Variants in ADAMTS2 observed in about 807,000 individuals in gnomAD.
ADAMTS2 encodes ADAM metallopeptidase with thrombospondin type 1 motif 2.
A neutral mutation model predicts 123.0 loss-of-function variants in ADAMTS2; 50 were observed. That is an observed-to-expected ratio of 0.41 (90% CI 0.32 to 0.51). The LOEUF (loss-of-function observed/expected upper bound fraction) is 0.51, where lower values mean the gene tolerates loss of function less well. Ranked by LOEUF, ADAMTS2 falls within the 20% of genes least tolerant of loss-of-function variation. The pLI, the probability that ADAMTS2 is intolerant of heterozygous loss-of-function variation, is 0.35. For missense variants in ADAMTS2, 1,494 were observed against 1,705.2 expected, an observed-to-expected ratio of 0.88 and a Z score of 2.18; for synonymous variants, 678 against 695.4, an observed-to-expected ratio of 0.98 and a Z score of 0.39.
intron 3 of ADAMTS2, among the ~76,000 whole-genome samples, chr5:179,245,626 C>T (rs1765768673): frequency 6.7e-6 from 1 of 149,646 alleles, no homozygotes; most frequent in East Asian, 2.0e-4. Context: ...ATTAGCCGGG[C>T]GTGGTAGCGG....
At chr5:179,147,866 A>G (rs1230305630) in intron 10 of ADAMTS2, among the ~76,000 whole-genome samples, 1 of 152,236 alleles carries the variant, frequency 6.6e-6, no homozygotes, top group Non-Finnish European at 1.5e-5. Flanking sequence ...GCAGGAATGA[A>G]AAGAGAAGTG....
intron 2 of ADAMTS2, among the ~76,000 whole-genome samples, chr5:179,338,855 G>A (rs1390800133): frequency 2.6e-5 from 4 of 152,158 alleles, no homozygotes; most frequent in Non-Finnish European, 4.4e-5. Flanking sequence ...GGCACCAGGC[G>A]TGGAGGGAAG....
intron 2 of ADAMTS2, among the ~76,000 whole-genome samples, chr5:179,294,343 C>T (rs1756273010): frequency 6.6e-6 from 1 of 152,236 alleles, no homozygotes; most frequent in Non-Finnish European, 1.5e-5. Flanking sequence ...GAAACACGTC[C>T]AGCCAGCCAA....
chr5:179,207,482 C>CCCCCCCCT, intron 4 of ADAMTS2, 31 bp downstream of exon 4: 2 of 944,828 alleles, frequency 2.1e-6, no homozygotes, highest in Admixed American at 1.7e-5. Flanking sequence ...CCCTCCCCGC[C>CCCCCCCCT]CCACCCTGCC....
intron 1 of ADAMTS2, among the ~76,000 whole-genome samples, chr5:179,344,665 C>T (rs1437318741): frequency 6.6e-6 from 1 of 152,232 alleles, no homozygotes; most frequent in African/African-American, 2.4e-5. Context: ...CACGAGCGGC[C>T]TGTCCTGCCT....
chr5:179,160,142 G>A (rs1335647511), intron 5 of ADAMTS2, among the ~76,000 whole-genome samples: 3 of 152,172 alleles, frequency 2.0e-5, no homozygotes, highest in African/African-American at 7.2e-5. Context: ...GTAGAGCCAC[G>A]TATTTCTCTT....
At chr5:179,286,876 C>T (rs867697568) in intron 2 of ADAMTS2, among the ~76,000 whole-genome samples, 7 of 152,316 alleles carry the variant, frequency 4.6e-5, no homozygotes, top group African/African-American at 1.7e-4. Flanking sequence ...CATGGCCGTC[C>T]CCCTGTGTGT....
At chr5:179,278,856 T>C (rs879652467) in intron 2 of ADAMTS2, among the ~76,000 whole-genome samples, 2 of 151,740 alleles carry the variant, frequency 1.3e-5, no homozygotes, top group African/African-American at 2.4e-5. Context: ...CTTCCTTCTA[T>C]AGAACCTGCT....
rs140387919 is a variant in ADAMTS2, at chr5:179,202,216, G to C, written c.891+5297C>G. 7.9e-5 allele frequency among the ~76,000 whole-genome samples: 12 copies of C among 152,178 alleles called. No homozygotes were observed. In the East Asian group the frequency reaches 2.3e-3, roughly 30 times the overall value. On this transcript the variant is annotated intron_variant, in intron 4 of 21. Coordinates refer to ENST00000251582, the MANE Select transcript of ADAMTS2 (RefSeq NM_014244.5). The surrounding 1 kb of genome is among the most constrained non-coding windows in gnomAD (Gnocchi z 4.0). ...CCGACTTCCCCTACCTGTGCCCCCT[G>C]CTTGACAGGCCAGGCTGCCTCCATT...
chr5:179,314,353 C>T lies in ADAMTS2; in HGVS notation c.534+29414G>A, dbSNP rs1756919249. On this transcript the variant is annotated intron_variant, in intron 2 of 21. Coordinates refer to ENST00000251582, the MANE Select transcript of ADAMTS2 (RefSeq NM_014244.5). This position sits in a 1 kb window ranked among gnomAD's most constrained non-coding sequence, Gnocchi z 4.5. ...CGTCTCACTGGGAGCTGGGCGGCCG[C>T]CAGCTCTGAGCTAAGTGAGCGCAGA... is the stretch of plus-strand genomic sequence containing the variant. Among the ~76,000 whole-genome samples the T allele has an allele frequency of 6.6e-6, 1 of 152,250 alleles. No individual in the cohort carries two copies. Among genetic ancestry groups the T allele is most frequent in the South Asian group, 2.1e-4 (1 of 4,838 alleles).
rs1004516126 is a variant in ADAMTS2, at chr5:179,130,724, G to A, written c.2291-626C>T. On this transcript the variant is annotated intron_variant, in intron 15 of 21. Coordinates refer to ENST00000251582, the MANE Select transcript of ADAMTS2 (RefSeq NM_014244.5). The surrounding 1 kb of genome is among the most constrained non-coding windows in gnomAD (Gnocchi z 4.3). ...TGCAGTGTGGGGGGTGGCTGCTGCG[G>A]GGCAGCTGGGTGATGTGAGTGGGGC... Among the ~76,000 whole-genome samples the A allele has an allele frequency of 6.6e-6, 1 of 152,164 alleles. No individual in the cohort carries two copies. Among genetic ancestry groups the A allele is most frequent in the Admixed American group, 6.5e-5 (1 of 15,280 alleles).
rs978361840 is a variant in ADAMTS2, at chr5:179,314,894, A to G, written c.534+28873T>C. On this transcript the variant is annotated intron_variant, in intron 2 of 21. Transcript: ENST00000251582. The surrounding 1 kb of genome is among the most constrained non-coding windows in gnomAD (Gnocchi z 4.5). ...CCCTTAGCATGGCCCGGGAGCCTCA[A>G]GCCCAGGGCCTACCTAGAAGTAACT... Among the ~76,000 whole-genome samples, 3 of 152,084 alleles carry G rather than the reference A, an allele frequency of 2.0e-5. No individual in the cohort carries two copies. Among genetic ancestry groups the G allele is most frequent in the Non-Finnish European group, 2.9e-5 (2 of 68,008 alleles).
intron 11 of ADAMTS2, 45 bp downstream of exon 11, chr5:179,139,845 T>C (rs372065603): frequency 1.2e-6 from 2 of 1,609,224 alleles, no homozygotes; most frequent in African/African-American, 2.7e-5. Context: ...TCCTGGACCC[T>C]CAGCTGCCAC....
intron 1 of ADAMTS2, among the ~76,000 whole-genome samples, chr5:179,344,881 C>A (rs1286300687): frequency 4.6e-5 from 7 of 152,158 alleles, no homozygotes; most frequent in Admixed American, 3.9e-4. Flanking sequence ...CCTGGCTCCC[C>A]CCTCGGACCC....
chr5:179,345,256 G>C lies in ADAMTS2; in HGVS notation c.73C>G (p.Pro25Ala). The change falls in exon 1 of 22, where the codon CCG (proline) becomes GCG (alanine). Residue 25 changes from proline (P) to alanine (A), a missense_variant. By Grantham distance (27) the Pro-to-Ala change is conservative (BLOSUM62 -1). Around this residue, in one of 6 missense-constraint regions of ADAMTS2, gnomAD observed 237 missense variants for 233.7 expected, o/e 1.01. Transcript: ENST00000251582. The surrounding 1 kb of genome is among the most constrained non-coding windows in gnomAD (Gnocchi z 7.5). Reference protein sequence around the residue: ...ALLLLLLLLPPPLLPPPPPPA... With the variant: ...ALLLLLLLLPAPLLPPPPPPA... The stretch of plus-strand genomic sequence containing the variant: ...GGCGGCGGCGGCGGCAGGAGCGGCG[G>C]CGGCAGCAGCAGCAGCAGCAGCAGC... The C allele has an allele frequency of 8.7e-7, 1 of 1,151,012 alleles. No individual in the cohort carries two copies. The highest frequency in any genetic ancestry group is 1.1e-6 in the Non-Finnish European group (1 of 942,258). 71.3% of individuals were successfully genotyped at this position (1,151,012 alleles called of 1,614,324 possible).
In ADAMTS2 at chr5:179,256,501, CA is replaced by C. The variant is rs1561642433; in HGVS notation, c.688+16409del. Among the ~76,000 whole-genome samples, 2 of 150,802 alleles carry C rather than the reference CA, an allele frequency of 1.3e-5. No individual in the cohort carries two copies. On this transcript the variant is annotated intron_variant, in intron 3 of 21. Coordinates refer to ENST00000251582, the MANE Select transcript of ADAMTS2 (RefSeq NM_014244.5). This position sits in a 1 kb window ranked among gnomAD's most constrained non-coding sequence, Gnocchi z 4.1. ...AAGATGTGGATGTGTCTGCTCTGAC[CA>C]TGGGTGTGTGCATGCCTGCGTGTGT...
chr5:179,329,241 G>C (rs28618672), intron 2 of ADAMTS2, among the ~76,000 whole-genome samples: 148,873 of 151,476 alleles, frequency 0.98, 73,205 homozygotes, highest in Non-Finnish European at 1. Context: ...GCAGGAGAAT[G>C]GCGTGAACCC....
intron 2 of ADAMTS2, 21 bp from the exon 3 acceptor site, chr5:179,273,085 G>A (rs1766591517): frequency 1.2e-6 from 2 of 1,613,282 alleles, no homozygotes; most frequent in African/African-American, 1.3e-5. Flanking sequence ...AAGACAACAG[G>A]ATCAGATTTC....
At chr5:179,210,617 C>A (rs1214222490) in intron 3 of ADAMTS2, among the ~76,000 whole-genome samples, 2 of 152,236 alleles carry the variant, frequency 1.3e-5, no homozygotes, top group African/African-American at 4.8e-5. Flanking sequence ...CCTGGGCCAC[C>A]TGGCAGGTGA....
Sources: allele counts gnomAD v4.1 joint callset (sites outside exome capture counted in the v4.1 genomes callset), GRCh38; gene constraint gnomAD v4.1.1; regional missense constraint gnomAD v4.1.1; non-coding constraint Gnocchi (gnomAD v3.1); transcripts MANE v1.5; gene names NCBI Gene and HGNC (gene_info 2026-07-23, HGNC 2026-07-21).